The following TAFA4 variants were observed in gnomAD, a reference collection of about 807,000 sequenced individuals.
TAFA4 encodes the protein TAFA chemokine like family member 4.
In TAFA4, 20 loss-of-function variants were observed where a neutral mutation model predicts 21.1. The observed-to-expected ratio is 0.95, with a 90% confidence interval of 0.67 to 1.38. The LOEUF is 1.38. Among genes scored for constraint, TAFA4 ranks in the 40% most tolerant of loss-of-function variants. The pLI is 0.00. For synonymous variants in TAFA4, 71 were observed against 67.4 expected (o/e 1.05, Z -0.26); for missense variants, 211 against 180.9 (o/e 1.17, Z -0.95).
intron 1 of TAFA4, among the ~76,000 whole-genome samples, chr3:68,927,864 C>T (rs2090124013): frequency 6.6e-6 from 1 of 151,334 alleles, no homozygotes; most frequent in Non-Finnish European, 1.5e-5. Context: ...TACCACTGCA[C>T]TCCAGCCTGG....
intron 1 of TAFA4, among the ~76,000 whole-genome samples, chr3:68,925,603 T>G (rs1163798951): frequency 6.6e-6 from 1 of 152,244 alleles, no homozygotes; most frequent in East Asian, 1.9e-4. Context: ...TGATGTCTGG[T>G]AAACAGGATG....
At chr3:68,911,482 G>C (rs1319934612) in intron 1 of TAFA4, among the ~76,000 whole-genome samples, 2 of 152,212 alleles carry the variant, frequency 1.3e-5, no homozygotes, top group African/African-American at 4.8e-5. Context: ...TGATGGGTAT[G>C]ATCAACTCAG....
chr3:68,747,496 A>T (rs570629447), intron 4 of TAFA4, among the ~76,000 whole-genome samples: 2 of 152,114 alleles, frequency 1.3e-5, no homozygotes, highest in Non-Finnish European at 2.9e-5. Context: ...CATGTAAGAC[A>T]TGCCTTTGTT....
intron 1 of TAFA4, 76 bp from the exon 2 acceptor site, chr3:68,885,386 C>A (rs1286977694): frequency 1.2e-5 from 7 of 571,164 alleles, no homozygotes; most frequent in East Asian, 8.7e-5. Context: ...TTTCCAGTAG[C>A]AAAATAATGG....
chr3:68,792,328 T>G (rs1703377602), intron 3 of TAFA4, among the ~76,000 whole-genome samples: 1 of 152,156 alleles, frequency 6.6e-6, no homozygotes, highest in African/African-American at 2.4e-5. Context: ...ACTCACCCAT[T>G]GACAATCATG....
intron 3 of TAFA4, among the ~76,000 whole-genome samples, chr3:68,764,036 C>G (rs1041536504): frequency 6.6e-6 from 1 of 152,258 alleles, no homozygotes; most frequent in Non-Finnish European, 1.5e-5. Context: ...AATATTCCAT[C>G]AAACTGTGTT....
At position 68,873,376 on chromosome 3, in the gene TAFA4, A is replaced by ACACACACACACACACACC. The variant is rs1491286222; in HGVS notation, c.130+7353_130+7354insGGTGTGTGTGTGTGTGTG. 2.2e-5 allele frequency among the ~76,000 whole-genome samples: 3 copies of ACACACACACACACACACC among 138,568 alleles called. No individual in the cohort carries two copies. The East Asian group carries it at 9.2e-4, about 43-fold the overall frequency. The allele number at this position is 138,568 out of a possible 152,430, so 90.9% of individuals were successfully genotyped here. On this transcript the variant is annotated intron_variant, in intron 3 of 5. Coordinates refer to ENST00000295569, the MANE Select transcript of TAFA4 (RefSeq NM_182522.5). Reference sequence around the variant, plus strand: ...CACACACACACACACACACACACACACCCTGGGCCAGAAAAATGCTGACCT... The same window carrying ACACACACACACACACACC: ...CACACACACACACACACACACACACACACACACACACACACACCCCCTGGGCCAGAAAAATGCTGACCT...
Position 68,739,066 on chromosome 3 carries a change from T to C in TAFA4, c.411+9A>G. On this transcript the variant is annotated intron_variant, in intron 5 of 5. Transcript: ENST00000295569. ...TTGTAAATTGTAGTTGCATTTTGTC[T>C]ATACTTGCCTTCGTAGTTTTGACTT... 6.2e-7 allele frequency: 1 copy of C among 1,612,428 alleles called. No homozygotes were observed. Among genetic ancestry groups the C allele is most frequent in the Non-Finnish European group, 8.5e-7 (1 of 1,179,480 alleles).
intron 3 of TAFA4, among the ~76,000 whole-genome samples, chr3:68,802,736 GA>G (rs2106829837): frequency 6.6e-6 from 1 of 152,274 alleles, no homozygotes; most frequent in African/African-American, 2.4e-5. Flanking sequence ...AGAGAAATGA[GA>G]ATCTTTCCAC....
intron 3 of TAFA4, among the ~76,000 whole-genome samples, chr3:68,784,928 A>C (rs946414171): frequency 4.6e-5 from 7 of 152,050 alleles, no homozygotes; most frequent in African/African-American, 1.7e-4. Flanking sequence ...CTAGATACAG[A>C]GTGTCGATTG....
chr3:68,807,972 C>T (rs1453041145), intron 3 of TAFA4, among the ~76,000 whole-genome samples: 2 of 152,184 alleles, frequency 1.3e-5, no homozygotes, highest in Middle Eastern at 3.4e-3. Flanking sequence ...TTTGTGTCTC[C>T]CTTATAATAC....
intron 4 of TAFA4, among the ~76,000 whole-genome samples, chr3:68,750,299 T>C (rs2106748761): frequency 6.6e-6 from 1 of 152,184 alleles, no homozygotes; most frequent in East Asian, 1.9e-4. Context: ...CCTATCATTA[T>C]TTTTAAAAGG....
At chr3:68,892,524 C>T (rs1420490760) in intron 1 of TAFA4, among the ~76,000 whole-genome samples, 1 of 152,110 alleles carries the variant, frequency 6.6e-6, no homozygotes, top group Non-Finnish European at 1.5e-5. Context: ...CCTGCCTTGA[C>T]CACTACACAA....
chr3:68,863,665 G>A (rs2089380332), intron 3 of TAFA4, among the ~76,000 whole-genome samples: 1 of 151,990 alleles, frequency 6.6e-6, no homozygotes, highest in Admixed American at 6.6e-5. Flanking sequence ...CCAGCTTCTG[G>A]GTTGATATTC....
chr3:68,732,117 G>C lies in TAFA4; in HGVS notation c.*1025C>G. The C allele has an allele frequency of 6.6e-6, 1 of 152,544 alleles. No homozygotes were observed. Among genetic ancestry groups the C allele is most frequent in the East Asian group, 1.9e-4 (1 of 5,200 alleles). 9.4% of individuals were successfully genotyped at this position (152,544 alleles called of 1,614,324 possible). A position where few individuals can be genotyped will look rare whatever the true frequency, so the allele number is the denominator to read the frequency against. On this transcript the variant is annotated 3_prime_UTR_variant, in exon 6 of 6. Coordinates refer to ENST00000295569, the MANE Select transcript of TAFA4 (RefSeq NM_182522.5). ...ATGACAGCATTTGAGAATATGTGGA[G>C]ACATGTCTGCTGCAAAATCATTAAG...
At chr3:68,742,128 C>G (rs1047898598) in intron 4 of TAFA4, among the ~76,000 whole-genome samples, 1 of 152,110 alleles carries the variant, frequency 6.6e-6, no homozygotes, top group African/African-American at 2.4e-5. Context: ...TGGTCATCTC[C>G]TGCAGAAAAA....
chr3:68,827,403 T>C (rs1704275429), intron 3 of TAFA4, among the ~76,000 whole-genome samples: 1 of 152,200 alleles, frequency 6.6e-6, no homozygotes, highest in Admixed American at 6.5e-5. Context: ...ATATACACAG[T>C]AATGGGACTG....
intron 3 of TAFA4, among the ~76,000 whole-genome samples, chr3:68,826,431 G>T (rs1409865780): frequency 1.3e-5 from 2 of 151,994 alleles, no homozygotes; most frequent in East Asian, 3.9e-4. Context: ...AAATTGGCTC[G>T]GCATGGTGGC....
chr3:68,866,110 T>G (rs1316016043), intron 3 of TAFA4, among the ~76,000 whole-genome samples: 1 of 152,000 alleles, frequency 6.6e-6, no homozygotes, highest in Non-Finnish European at 1.5e-5. Context: ...TAGAAACAAA[T>G]AGAGGATGTA....
Sources: allele counts gnomAD v4.1 joint callset (sites outside exome capture counted in the v4.1 genomes callset), GRCh38; gene constraint gnomAD v4.1.1; transcripts MANE v1.5; gene names NCBI Gene and HGNC (gene_info 2026-07-23, HGNC 2026-07-21).